Variants in UBTD1 observed in about 807,000 individuals in gnomAD.
UBTD1 encodes ubiquitin domain-containing protein 1.
A neutral mutation model predicts 21.7 loss-of-function variants in UBTD1; 19 were observed. The observed-to-expected ratio is 0.87, with a 90% confidence interval of 0.61 to 1.28. The LOEUF is 1.28. Ranked by LOEUF, UBTD1 falls within the 50% of genes most tolerant of loss-of-function variation. The pLI, the probability that UBTD1 is intolerant of heterozygous loss-of-function variation, is 0.00. For synonymous variants in UBTD1, 116 were observed against 135.1 expected (o/e 0.86, Z 0.98); for missense variants, 282 against 315.1 (o/e 0.89, Z 0.80).
rs545350992 is a variant in UBTD1 at position 97,567,031 on chromosome 10, C to CT, written c.71-876dup. 2.0e-5 allele frequency among the ~76,000 whole-genome samples: 3 copies of CT among 151,918 alleles called. No individual in the cohort carries two copies. In the East Asian group the frequency reaches 5.8e-4, roughly 29 times the overall value. On this transcript the variant is annotated intron_variant, in intron 1 of 2. Transcript: ENST00000370664. Reference sequence around the variant, plus strand: ...GTTGGTCATGATTGCTTAAAAAATCCTTTTTTTAAGTGGGACATTAGTAAC... The same window carrying CT: ...GTTGGTCATGATTGCTTAAAAAATCCTTTTTTTTAAGTGGGACATTAGTAAC...
intron 1 of UBTD1, among the ~76,000 whole-genome samples, chr10:97,550,559 G>A (rs534764495): frequency 9.9e-5 from 15 of 152,266 alleles, no homozygotes; most frequent in Admixed American, 5.9e-4. Context: ...ACGGCGCCTC[G>A]GTCAGTTCCT....
rs576467289 is a variant in UBTD1 at position 97,498,998 on chromosome 10, C to T, written c.-206C>T. 1.3e-4 allele frequency: 68 copies of T among 534,182 alleles called. No individual in the cohort carries two copies. The African/African-American group carries it at 1.3e-3, about 10-fold the overall frequency. 33.1% of individuals were successfully genotyped at this position (534,182 alleles called of 1,614,324 possible). A position where few individuals can be genotyped will look rare whatever the true frequency, so the allele number is the denominator to read the frequency against. On this transcript the variant is annotated 5_prime_UTR_variant, in exon 1 of 3. Coordinates refer to ENST00000370664, the MANE Select transcript of UBTD1 (RefSeq NM_024954.5). Reference sequence around the variant, plus strand: ...CCCCCCTGGCCCGGCCACCTGGGACCGTGCTGGGGAGTCTGCCACTTCCCT... The same window carrying T: ...CCCCCCTGGCCCGGCCACCTGGGACTGTGCTGGGGAGTCTGCCACTTCCCT...
intron 1 of UBTD1, among the ~76,000 whole-genome samples, chr10:97,531,680 G>A (rs2040532786): frequency 6.6e-6 from 1 of 152,198 alleles, no homozygotes; most frequent in Non-Finnish European, 1.5e-5. Flanking sequence ...CCCCAGGGGC[G>A]ATTCTAGGTA....
At chr10:97,535,972 A>ATTATTATTATTATTATTG (rs201335947) in intron 1 of UBTD1, among the ~76,000 whole-genome samples, 22,482 of 134,518 alleles carry the variant, frequency 0.17, 2,016 homozygotes, top group Admixed American at 0.21. Context: ...GAGAGAAATT[A>ATTATTATTATTATTATTG]TTATTATTAT....
At chr10:97,511,330 G>A (rs865857309) in intron 1 of UBTD1, among the ~76,000 whole-genome samples, 1 of 152,072 alleles carries the variant, frequency 6.6e-6, no homozygotes, top group African/African-American at 2.4e-5. Context: ...GTGTCTTGAG[G>A]GGGTGGGGGT....
At chr10:97,549,606 T>C (rs1165050669) in intron 1 of UBTD1, among the ~76,000 whole-genome samples, 1 of 152,218 alleles carries the variant, frequency 6.6e-6, no homozygotes, top group Non-Finnish European at 1.5e-5. Flanking sequence ...CCACCCTGCC[T>C]TGATCCTTCA....
At chr10:97,526,301 G>T (rs548432653) in intron 1 of UBTD1, among the ~76,000 whole-genome samples, 31 of 152,310 alleles carry the variant, frequency 2.0e-4, no homozygotes, top group African/African-American at 6.7e-4. Context: ...CTTTGACCTA[G>T]AAATTCCACA....
chr10:97,503,839 A>G (rs1385875850), intron 1 of UBTD1, among the ~76,000 whole-genome samples: 1 of 152,188 alleles, frequency 6.6e-6, no homozygotes, highest in Non-Finnish European at 1.5e-5. Flanking sequence ...ATTATGTAGT[A>G]TTATATATGC....
At chr10:97,554,376 A>G (rs2040654328) in intron 1 of UBTD1, among the ~76,000 whole-genome samples, 1 of 150,484 alleles carries the variant, frequency 6.6e-6, no homozygotes, top group Non-Finnish European at 1.5e-5. Flanking sequence ...CCTCCATAAT[A>G]GCTGGGATTA....
chr10:97,526,871 A>G (rs1469831474), intron 1 of UBTD1, among the ~76,000 whole-genome samples: 4 of 150,356 alleles, frequency 2.7e-5, no homozygotes, highest in Admixed American at 6.6e-5. Context: ...AAAAAAAAAA[A>G]AAAGAAATGC....
At chr10:97,542,016 A>G (rs2040589435) in intron 1 of UBTD1, among the ~76,000 whole-genome samples, 1 of 152,130 alleles carries the variant, frequency 6.6e-6, no homozygotes, top group South Asian at 2.1e-4. Flanking sequence ...GATTACAGGC[A>G]TGATCCACCA....
chr10:97,558,950 A>C (rs1425583857), intron 1 of UBTD1, among the ~76,000 whole-genome samples: 1 of 152,006 alleles, frequency 6.6e-6, no homozygotes, highest in Non-Finnish European at 1.5e-5. Flanking sequence ...CACAAGTGCC[A>C]CTCTAGTTAT....
intron 1 of UBTD1, among the ~76,000 whole-genome samples, chr10:97,562,035 G>A (rs561369943): frequency 1.3e-5 from 2 of 152,318 alleles, no homozygotes; most frequent in East Asian, 3.9e-4. Flanking sequence ...TTCAGGCCAT[G>A]ATGGGAGGGG....
chr10:97,535,788 C>T (rs1401855007), intron 1 of UBTD1, among the ~76,000 whole-genome samples: 2 of 151,226 alleles, frequency 1.3e-5, no homozygotes, highest in Admixed American at 6.6e-5. Flanking sequence ...TGCAGTGGTG[C>T]ACTCCTGTAG....
chr10:97,552,393 C>T (rs1293985625), intron 1 of UBTD1, among the ~76,000 whole-genome samples: 1 of 119,890 alleles, frequency 8.3e-6, no homozygotes, highest in Non-Finnish European at 1.6e-5. Flanking sequence ...ATTATACACC[C>T]TTTTTTTTTT....
At chr10:97,546,589 G>GGA (rs572823450) in intron 1 of UBTD1, among the ~76,000 whole-genome samples, 8 of 118,152 alleles carry the variant, frequency 6.8e-5, no homozygotes, top group Non-Finnish European at 1.4e-4. Context: ...CCCTGTCTCA[G>GGA]AAAAAAAAAA....
At chr10:97,533,362 A>G (rs1229734225) in intron 1 of UBTD1, among the ~76,000 whole-genome samples, 3 of 152,232 alleles carry the variant, frequency 2.0e-5, no homozygotes. Context: ...GTGGTCTCCT[A>G]GCACACAGCT....
intron 1 of UBTD1, among the ~76,000 whole-genome samples, chr10:97,551,182 G>A (rs890850618): frequency 3.9e-5 from 6 of 152,216 alleles, no homozygotes; most frequent in African/African-American, 1.2e-4. Flanking sequence ...GGGAGGTTTC[G>A]ACAACTCTTT....
At position 97,570,438 on chromosome 10, in the gene UBTD1, A is replaced by G; in HGVS notation, c.599A>G (p.Asp200Gly). 6.2e-7 allele frequency: 1 copy of G among 1,613,184 alleles called. No homozygotes were observed. Among genetic ancestry groups the G allele is most frequent in the African/African-American group, 1.3e-5 (1 of 74,998 alleles). The change falls in exon 3 of 3, where the codon GAC becomes GGC. Residue 200 changes from aspartate (D) to glycine (G), a missense_variant. Coordinates refer to ENST00000370664, the MANE Select transcript of UBTD1 (RefSeq NM_024954.5). This position sits in a 1 kb window ranked among gnomAD's most constrained non-coding sequence, Gnocchi z 6.6. ...TTCTTCTCCGGGAAGCTGCTCACAG[A>G]CCGCACACGGCTCCAGGAGACCAAG... ...RWFFSGKLLT[D>G]RTRLQETKIQ...
Sources: allele counts gnomAD v4.1 joint callset (sites outside exome capture counted in the v4.1 genomes callset), GRCh38; gene constraint gnomAD v4.1.1; non-coding constraint Gnocchi (gnomAD v3.1); transcripts MANE v1.5; gene names NCBI Gene and HGNC (gene_info 2026-07-23, HGNC 2026-07-21).